Variants in ZNF534 observed in about 807,000 individuals in gnomAD.
ZNF534 encodes zinc finger protein 534, also known as KRAB domain only 3.
In ZNF534, 19 loss-of-function variants were observed where a neutral mutation model predicts 13.6. The observed-to-expected ratio is 1.40, with a 90% CI of 0.97 to 2.05. The LOEUF is 2.05. Ranked by LOEUF, ZNF534 falls within the 30% of genes most tolerant of loss-of-function variation. The probability of loss-of-function intolerance (pLI) is 0.00; values close to 1 mark genes in which losing one functional copy is unlikely to be tolerated. For missense variants in ZNF534, 782 were observed against 796.3 expected (o/e 0.98, Z 0.22); for synonymous variants, 244 against 273.8 (o/e 0.89, Z 1.07).
At chr19:52,430,748 A>C (rs552648938) in intron 1 of ZNF534, among the ~76,000 whole-genome samples, 216 of 151,818 alleles carry the variant, frequency 1.4e-3, no homozygotes, top group African/African-American at 5.1e-3. Flanking sequence ...GGGTTTCACC[A>C]TCTTGGCCAG....
At position 52,431,747 on chromosome 19, in the gene ZNF534, G is replaced by C. The variant is rs556995936; in HGVS notation, c.15+258G>C. On this transcript the variant is annotated intron_variant, in intron 2 of 4. Transcript: ENST00000433050. ...CAGACACGGATGGAGATGGGGTGTGGGCCTTGTGGTGTCAGTGCTGTTGGG... is the reference window on the plus strand; with the variant it reads ...CAGACACGGATGGAGATGGGGTGTGCGCCTTGTGGTGTCAGTGCTGTTGGG... 2.6e-5 allele frequency among the ~76,000 whole-genome samples: 4 copies of C among 152,168 alleles called. No homozygotes were observed. In the South Asian group the frequency reaches 8.3e-4, roughly 32 times the overall value.
At chr19:52,436,787 T>C (rs2122685679) in intron 4 of ZNF534, among the ~76,000 whole-genome samples, 1 of 152,320 alleles carries the variant, frequency 6.6e-6, no homozygotes, top group South Asian at 2.1e-4. Context: ...TTCTGTTCTC[T>C]TGTTTTTAAT....
rs185479657 is a variant in ZNF534, at chr19:52,440,845, G to C, written c.*1399G>C. On this transcript the variant is annotated 3_prime_UTR_variant, in exon 5 of 5. Coordinates refer to ENST00000433050, the MANE Select transcript of ZNF534 (RefSeq NM_001143938.3). ...AATGTAATGAATGCGGCAGAGCATT[G>C]AGAAGGTGTTCAGGTCTTAACTGTT... 6.6e-6 allele frequency among the ~76,000 whole-genome samples: 1 copy of C among 150,952 alleles called. No homozygotes were observed. Among genetic ancestry groups the C allele is most frequent in the Non-Finnish European group, 1.5e-5 (1 of 67,832 alleles).
At chr19:52,433,809 A>G in intron 2 of ZNF534, 146 bp from the exon 3 acceptor site, 1 of 852,002 alleles carries the variant, frequency 1.2e-6, no homozygotes, top group Non-Finnish European at 2.0e-6. Context: ...ACAATCACAG[A>G]CACATAACTA....
In ZNF534 at chr19:52,440,919, G is replaced by A. The variant is rs1200285210; in HGVS notation, c.*1473G>A. The stretch of plus-strand genomic sequence containing the variant: ...TAAGTCTTTTTTTTTTTTTTCCCCC[G>A]AAACAAGAGTCTCGCTCTGATGCCC... On this transcript the variant is annotated 3_prime_UTR_variant, in exon 5 of 5. Coordinates refer to ENST00000433050, the MANE Select transcript of ZNF534 (RefSeq NM_001143938.3). Among the ~76,000 whole-genome samples the A allele has an allele frequency of 4.2e-5, 6 of 143,536 alleles. No homozygotes were observed. Among genetic ancestry groups the A allele is most frequent in the South Asian group, 2.2e-4 (1 of 4,510 alleles). 94.2% of individuals were successfully genotyped at this position (143,536 alleles called of 152,430 possible).
chr19:52,448,670 T>C (rs2059202367), intron 4 of ZNF534, among the ~76,000 whole-genome samples: 1 of 152,218 alleles, frequency 6.6e-6, no homozygotes, highest in African/African-American at 2.4e-5. Context: ...GAACACAACG[T>C]GAGCTCTAGT....
exon 5 of ZNF534, chr19:52,451,524 G>T: frequency 1.7e-6 from 1 of 597,850 alleles, no homozygotes; most frequent in East Asian, 2.9e-5. Context: ...CCCAGCCAGC[G>T]GGCCCAGCCC....
rs541813685 is a variant in ZNF534, at chr19:52,441,745, TAGAG to T, written c.*2303_*2306del. On this transcript the variant is annotated 3_prime_UTR_variant, in exon 5 of 5. Transcript: ENST00000433050. ...AATTCACATCTTGCGAATCACCACA[TAGAG>T]AGAAACCTTACAAATACAAATCACC... 5.9e-5 allele frequency among the ~76,000 whole-genome samples: 9 copies of T among 152,136 alleles called. No individual in the cohort carries two copies. The highest frequency in any genetic ancestry group is 6.6e-5 in the Admixed American group (1 of 15,254).
At position 52,433,590 on chromosome 19, in the gene ZNF534, T is replaced by C. The variant is rs143500080; in HGVS notation, c.16-365T>C. Among the ~76,000 whole-genome samples the C allele has an allele frequency of 7.8e-3, 1,194 of 152,206 alleles. 18 individuals are homozygous for C. Among genetic ancestry groups the C allele is most frequent in the Middle Eastern group, 0.034 (10 of 294 alleles). Reference sequence around the variant, plus strand: ...ACCGTGTTGGCCAAGATGGTCTTGATCTCCTGACCTCGTGATCCGACCGCC... The same window carrying C: ...ACCGTGTTGGCCAAGATGGTCTTGACCTCCTGACCTCGTGATCCGACCGCC... On this transcript the variant is annotated intron_variant, in intron 2 of 4. Coordinates refer to ENST00000433050, the MANE Select transcript of ZNF534 (RefSeq NM_001143938.3).
At chr19:52,448,344 G>A (rs1449928300) in intron 4 of ZNF534, among the ~76,000 whole-genome samples, 2 of 152,044 alleles carry the variant, frequency 1.3e-5, no homozygotes, top group African/African-American at 4.8e-5. Context: ...GTTGCAGTGA[G>A]CCAAGATCAC....
chr19:52,431,126 T>C (rs968356119), intron 1 of ZNF534, among the ~76,000 whole-genome samples: 5 of 152,142 alleles, frequency 3.3e-5, no homozygotes, highest in Non-Finnish European at 7.4e-5. Flanking sequence ...GCTAGGATTA[T>C]AGGTGGGAGC....
exon 5 of ZNF534, chr19:52,452,167 T>A (rs324102): frequency 0.062 from 9,915 of 160,548 alleles, 1,103 homozygotes; most frequent in African/African-American, 0.23. Context: ...TGATGGTTAT[T>A]TGTAAATCTA....
rs1422046000 is a variant in ZNF534 at position 52,439,654 on chromosome 19, G to A, written c.*208G>A. 1.3e-5 allele frequency among the ~76,000 whole-genome samples: 2 copies of A among 152,038 alleles called. No individual in the cohort carries two copies. The highest frequency in any genetic ancestry group is 4.8e-5 in the African/African-American group (2 of 41,350). On this transcript the variant is annotated 3_prime_UTR_variant, in exon 5 of 5. Coordinates refer to ENST00000433050, the MANE Select transcript of ZNF534 (RefSeq NM_001143938.3). The stretch of plus-strand genomic sequence containing the variant: ...GGCACCTGTAGTCCCAGCTACTCAG[G>A]AGGCTGAGGCAGGAGGATGGCATGA...
chr19:52,438,819 A>G lies in ZNF534; in HGVS notation c.1359A>G (p.Leu453=), dbSNP rs1199998510. The part of the protein sequence containing the change: ...CGKVFRHKSS[L]TYHCRIHTGE... ...AGGTCTTCAGGCACAAGTCTTCCCTAACCTATCACTGTAGAATTCATACTG... is the reference window on the plus strand; with the variant it reads ...AGGTCTTCAGGCACAAGTCTTCCCTGACCTATCACTGTAGAATTCATACTG... Residue 453 remains leucine (L), a synonymous_variant, in exon 5 of 5, where the codon CTA becomes CTG. Coordinates refer to ENST00000433050, the MANE Select transcript of ZNF534 (RefSeq NM_001143938.3). 6.2e-7 allele frequency: 1 copy of G among 1,610,684 alleles called. No homozygotes were observed. The highest frequency in any genetic ancestry group is 1.3e-5 in the African/African-American group (1 of 74,668).
Position 52,440,985 on chromosome 19 carries a change from G to A in ZNF534, c.*1539G>A, listed in dbSNP as rs1426715034. ...GGTGTAATCTCAGCTCACTGCAACCGCCACCTCCTAGGTTCAAGCAATTCT... is the reference window on the plus strand; with the variant it reads ...GGTGTAATCTCAGCTCACTGCAACCACCACCTCCTAGGTTCAAGCAATTCT... On this transcript the variant is annotated 3_prime_UTR_variant, in exon 5 of 5. Coordinates refer to ENST00000433050, the MANE Select transcript of ZNF534 (RefSeq NM_001143938.3). 2.7e-5 allele frequency among the ~76,000 whole-genome samples: 4 copies of A among 150,072 alleles called. No individual in the cohort carries two copies. The Admixed American group carries it at 2.7e-4, about 10-fold the overall frequency.
chr19:52,444,838 A>T (rs1484758813), downstream of ZNF534, among the ~76,000 whole-genome samples: 1 of 151,930 alleles, frequency 6.6e-6, no homozygotes, highest in African/African-American at 2.4e-5. Context: ...GGCCAGTCTC[A>T]CTCCCACCGT....
At chr19:52,430,110 G>A (rs1463178763) in intron 1 of ZNF534, among the ~76,000 whole-genome samples, 2 of 151,790 alleles carry the variant, frequency 1.3e-5, no homozygotes, top group African/African-American at 2.4e-5. Flanking sequence ...CTGTCTCCTG[G>A]GTTCAAGCAA....
Position 52,434,087 on chromosome 19 carries a change from G to A in ZNF534, c.142+6G>A, listed in dbSNP as rs763461236. ...CAGGAACCTGGTCTCCCTAGGTGAG[G>A]ATAATGTCCGTCCAGAAGCCTGCAT... On this transcript the variant is annotated splice_donor_region_variant and intron_variant, in intron 3 of 4. Coordinates refer to ENST00000433050, the MANE Select transcript of ZNF534 (RefSeq NM_001143938.3). 1.7e-5 allele frequency: 27 copies of A among 1,612,728 alleles called. No homozygotes were observed. The highest frequency in any genetic ancestry group is 2.2e-5 in the Non-Finnish European group (26 of 1,179,598).
chr19:52,438,823 T>C lies in ZNF534; in HGVS notation c.1363T>C (p.Tyr455His). 1 of 1,610,540 alleles carries C rather than the reference T, an allele frequency of 6.2e-7. No homozygotes were observed. The highest frequency in any genetic ancestry group is 1.3e-5 in the African/African-American group (1 of 74,664). The change falls in exon 5 of 5, where the codon TAT becomes CAT. Residue 455 changes from tyrosine to histidine, a missense_variant. Around this residue, in one of 5 missense-constraint regions of ZNF534, gnomAD observed 591 missense variants for 574.0 expected, o/e 1.03. Coordinates refer to ENST00000433050, the MANE Select transcript of ZNF534 (RefSeq NM_001143938.3). ...CTTCAGGCACAAGTCTTCCCTAACC[T>C]ATCACTGTAGAATTCATACTGGAGA... ...KVFRHKSSLT[Y>H]HCRIHTGEKP...
Sources: allele counts gnomAD v4.1 joint callset (sites outside exome capture counted in the v4.1 genomes callset), GRCh38; gene constraint gnomAD v4.1.1; regional missense constraint gnomAD v4.1.1; transcripts MANE v1.5; gene names NCBI Gene and HGNC (gene_info 2026-07-23, HGNC 2026-07-21).